The following CRPPA variants were observed in gnomAD, a reference collection of about 807,000 sequenced individuals.
CRPPA encodes CDP-L-ribitol pyrophosphorylase A, also known as D-ribitol-5-phosphate cytidylyltransferase.
In CRPPA, 43 loss-of-function variants were observed where a neutral mutation model predicts 52.0. That is an observed-to-expected ratio of 0.83 (90% confidence interval 0.65 to 1.07). CRPPA has a LOEUF of 1.07. CRPPA is among the 50% of genes least tolerant of loss of function. CRPPA has a pLI of 0.00. For missense variants in CRPPA, 629 were observed against 551.7 expected (o/e 1.14, Z -1.40); for synonymous variants, 250 against 203.5 (o/e 1.23, Z -1.94).
At chr7:16,243,776 G>C (rs893720932) in intron 8 of CRPPA, among the ~76,000 whole-genome samples, 1 of 151,984 alleles carries the variant, frequency 6.6e-6, no homozygotes, top group Admixed American at 6.6e-5. Flanking sequence ...GACCAGATTG[G>C]GCAGCACAAC....
Position 16,309,319 on chromosome 7 carries a change from A to G in CRPPA, c.685-692T>C, listed in dbSNP as rs1990017. ...TCTATTTTAAGTACCAGATATATAAAGGTAAATGACACATGTATTATGCCC... is the reference window on the plus strand; with the variant it reads ...TCTATTTTAAGTACCAGATATATAAGGGTAAATGACACATGTATTATGCCC... On this transcript the variant is annotated intron_variant, in intron 3 of 9. Transcript: ENST00000407010. 3.1e-3 allele frequency among the ~76,000 whole-genome samples: 468 copies of G among 152,200 alleles called. 2 individuals carry two copies. The highest frequency in any genetic ancestry group is 0.011 in the African/African-American group (444 of 41,572).
intron 8 of CRPPA, among the ~76,000 whole-genome samples, chr7:16,235,544 C>T (rs1782926520): frequency 6.6e-6 from 1 of 152,004 alleles, no homozygotes. Flanking sequence ...TACATATTGT[C>T]TATGACTGCT....
chr7:16,215,957 A>C (rs1782292702), intron 9 of CRPPA, 109 bp downstream of exon 9: 1 of 876,214 alleles, frequency 1.1e-6, no homozygotes, highest in Non-Finnish European at 1.7e-6. Context: ...GTAACTTTCC[A>C]GCTGTAATTT....
intron 9 of CRPPA, among the ~76,000 whole-genome samples, chr7:16,110,598 C>T (rs556593135): frequency 1.3e-5 from 2 of 152,026 alleles, no homozygotes; most frequent in Admixed American, 6.6e-5. Context: ...CAAACACACA[C>T]AAAGACCAAC....
chr7:16,130,159 T>C (rs1263566823), intron 9 of CRPPA, among the ~76,000 whole-genome samples: 1 of 152,150 alleles, frequency 6.6e-6, no homozygotes, highest in Non-Finnish European at 1.5e-5. Context: ...AGAGTACACA[T>C]TTTATAATTT....
At chr7:16,299,839 T>C (rs751616040) in intron 5 of CRPPA, among the ~76,000 whole-genome samples, 11 of 152,228 alleles carry the variant, frequency 7.2e-5, no homozygotes, top group Non-Finnish European at 1.6e-4. Context: ...GTATAGGTTT[T>C]TACATTTTTA....
intron 9 of CRPPA, among the ~76,000 whole-genome samples, chr7:16,105,417 AG>A (rs1386309472): frequency 3.9e-5 from 6 of 152,218 alleles, no homozygotes; most frequent in Non-Finnish European, 7.4e-5. Flanking sequence ...AGTTGATGGC[AG>A]GGGTGTGAAA....
At chr7:16,386,280 C>T (rs998271374) in intron 2 of CRPPA, among the ~76,000 whole-genome samples, 9 of 152,130 alleles carry the variant, frequency 5.9e-5, no homozygotes, top group East Asian at 3.9e-4. Flanking sequence ...TCTTCTCTGC[C>T]GTGCTGTTCT....
rs1472039375 is a variant in CRPPA, at chr7:16,121,849, A to T, written c.1252-30050T>A. Among the ~76,000 whole-genome samples, 3 of 152,060 alleles carry T rather than the reference A, an allele frequency of 2.0e-5. No homozygotes were observed. The East Asian group carries it at 5.8e-4, about 29-fold the overall frequency. ...CAAAACATACATTGATTTGACTGTC[A>T]TGGTTGGTCAGGTTTGGCATGATCC... is the stretch of plus-strand genomic sequence containing the variant. On this transcript the variant is annotated intron_variant, in intron 9 of 9. Transcript: ENST00000407010.
intron 3 of CRPPA, among the ~76,000 whole-genome samples, chr7:16,356,335 A>G (rs560784698): frequency 3.5e-4 from 54 of 152,308 alleles, no homozygotes; most frequent in South Asian, 6.2e-4. Flanking sequence ...AACAACAATA[A>G]ATAAACTCAA....
intron 9 of CRPPA, among the ~76,000 whole-genome samples, chr7:16,099,365 G>A (rs1379738156): frequency 3.7e-5 from 5 of 135,356 alleles, no homozygotes; most frequent in Non-Finnish European, 7.9e-5. Flanking sequence ...GAAGGGGAGT[G>A]TAGAGGAAGG....
intron 1 of CRPPA, among the ~76,000 whole-genome samples, chr7:16,418,635 A>C (rs1452465890): frequency 1.3e-5 from 2 of 152,140 alleles, no homozygotes; most frequent in African/African-American, 4.8e-5. Context: ...AACACTAACA[A>C]AACTACCAGA....
At chr7:16,274,872 C>T (rs1439516766) in intron 6 of CRPPA, among the ~76,000 whole-genome samples, 1 of 152,098 alleles carries the variant, frequency 6.6e-6, no homozygotes, top group Non-Finnish European at 1.5e-5. Context: ...TGATTTTAGT[C>T]TTTGAATCTC....
At chr7:16,175,880 T>C (rs1781286065) in intron 9 of CRPPA, among the ~76,000 whole-genome samples, 1 of 152,164 alleles carries the variant, frequency 6.6e-6, no homozygotes, top group Non-Finnish European at 1.5e-5. Context: ...TATCTGAAAT[T>C]AAACTGTATA....
chr7:16,196,305 C>T (rs980825314), intron 9 of CRPPA, among the ~76,000 whole-genome samples: 4 of 152,030 alleles, frequency 2.6e-5, no homozygotes, highest in Non-Finnish European at 5.9e-5. Flanking sequence ...GCTAGCAATT[C>T]CCACTTCATG....
chr7:16,094,252 G>C (rs538891513), intron 9 of CRPPA, among the ~76,000 whole-genome samples: 1 of 152,160 alleles, frequency 6.6e-6, no homozygotes, highest in Admixed American at 6.6e-5. Flanking sequence ...TTCCCTCTCT[G>C]CCTGAACTCA....
chr7:16,192,875 A>T (rs997538314), intron 9 of CRPPA, among the ~76,000 whole-genome samples: 2 of 152,114 alleles, frequency 1.3e-5, no homozygotes, highest in Non-Finnish European at 2.9e-5. Flanking sequence ...AGTTGTCTAT[A>T]TATGTGTGGG....
intron 8 of CRPPA, among the ~76,000 whole-genome samples, chr7:16,255,078 G>C (rs531290089): frequency 1.3e-5 from 2 of 152,268 alleles, no homozygotes; most frequent in Non-Finnish European, 2.9e-5. Context: ...AAGCTGATAA[G>C]CAACTTCAGC....
chr7:16,126,279 C>T (rs1295413386), intron 9 of CRPPA, among the ~76,000 whole-genome samples: 2 of 152,066 alleles, frequency 1.3e-5, no homozygotes, highest in Non-Finnish European at 2.9e-5. Flanking sequence ...ATCATGTGGG[C>T]ACTTTGTCCA....
Sources: allele counts gnomAD v4.1 joint callset (sites outside exome capture counted in the v4.1 genomes callset), GRCh38; gene constraint gnomAD v4.1.1; transcripts MANE v1.5; gene names NCBI Gene and HGNC (gene_info 2026-07-23, HGNC 2026-07-21).